AGBL1: variants seen among roughly 807,000 people sequenced by gnomAD.
The protein encoded by AGBL1 is cytosolic carboxypeptidase 4.
A neutral mutation model predicts 118.9 loss-of-function variants in AGBL1; 130 were observed. The observed-to-expected ratio is 1.09, with a 90% CI of 0.95 to 1.26. The LOEUF is 1.26. Ranked by LOEUF, AGBL1 falls within the 50% of genes most tolerant of loss-of-function variation. AGBL1 has a pLI of 0.00. For missense variants in AGBL1, 1,584 were observed against 1,298.1 expected (o/e 1.22, Z -3.38); for synonymous variants, 555 against 478.9 (o/e 1.16, Z -2.08).
In AGBL1 at chr15:86,650,222, C is replaced by T. The variant is rs185544686; in HGVS notation, c.2995-24051C>T. Among the ~76,000 whole-genome samples, 364 of 152,222 alleles carry T rather than the reference C, an allele frequency of 2.4e-3. 1 individual carries two copies. Among genetic ancestry groups the T allele is most frequent in the African/African-American group, 8.2e-3 (340 of 41,532 alleles). ...CTTTCCCTGTTTTTAGCTTGGTACACGGCCACCTGAAATGAGGACTAAGTT... is the reference window on the plus strand; with the variant it reads ...CTTTCCCTGTTTTTAGCTTGGTACATGGCCACCTGAAATGAGGACTAAGTT... On this transcript the variant is annotated intron_variant, in intron 21 of 22. Coordinates refer to ENST00000614907, the MANE Select transcript of AGBL1 (RefSeq NM_001386094.1).
chr15:86,970,718 C>G (rs2081099185), intron 23 of AGBL1, among the ~76,000 whole-genome samples: 1 of 151,900 alleles, frequency 6.6e-6, no homozygotes, highest in Admixed American at 6.6e-5. Flanking sequence ...TCAGTATGTT[C>G]CTACCACATT....
intron 23 of AGBL1, among the ~76,000 whole-genome samples, chr15:86,956,336 A>AGATAGAT (rs1567258375): frequency 6.6e-6 from 1 of 152,102 alleles, no homozygotes; most frequent in Non-Finnish European, 1.5e-5. Flanking sequence ...ATGGATAGAT[A>AGATAGAT]GATAGATGAT....
chr15:86,482,570 C>A (rs181996237), intron 18 of AGBL1, among the ~76,000 whole-genome samples: 74 of 152,092 alleles, frequency 4.9e-4, no homozygotes, highest in African/African-American at 1.8e-3. Context: ...GCACTGAAAC[C>A]CTGGCTGGAC....
intron 21 of AGBL1, among the ~76,000 whole-genome samples, chr15:86,655,097 T>G (rs577877173): frequency 6.6e-6 from 1 of 152,298 alleles, no homozygotes; most frequent in South Asian, 2.1e-4. Context: ...CTCTATCCAT[T>G]GGCACAATCA....
chr15:86,691,652 A>G (rs1376203895), intron 22 of AGBL1, among the ~76,000 whole-genome samples: 1 of 152,160 alleles, frequency 6.6e-6, no homozygotes, highest in African/African-American at 2.4e-5. Context: ...GAAAACAAAT[A>G]AGATCATAGG....
At chr15:86,193,280 AT>A (rs2077751295) in intron 5 of AGBL1, among the ~76,000 whole-genome samples, 1 of 152,178 alleles carries the variant, frequency 6.6e-6, no homozygotes, top group Admixed American at 6.5e-5. Context: ...ACCAGATGAA[AT>A]GCTAATGGAC....
chr15:86,824,165 A>T (rs1430779185), intron 22 of AGBL1, among the ~76,000 whole-genome samples: 1 of 152,128 alleles, frequency 6.6e-6, no homozygotes, highest in Non-Finnish European at 1.5e-5. Flanking sequence ...AAGATTGTCT[A>T]TGTAAAACAT....
At chr15:86,475,084 C>T (rs1207957878) in intron 18 of AGBL1, among the ~76,000 whole-genome samples, 1 of 152,174 alleles carries the variant, frequency 6.6e-6, no homozygotes, top group Non-Finnish European at 1.5e-5. Flanking sequence ...ACGTCACCAT[C>T]TTCAAAGACC....
intron 17 of AGBL1, among the ~76,000 whole-genome samples, chr15:86,315,034 G>T (rs187117561): frequency 1.4e-3 from 211 of 152,242 alleles, no homozygotes; most frequent in African/African-American, 4.9e-3. Context: ...ATGAGGTAAG[G>T]TATGTTTTCC....
At chr15:86,951,874 CATT>C (rs2080884013) in intron 23 of AGBL1, among the ~76,000 whole-genome samples, 1 of 152,146 alleles carries the variant, frequency 6.6e-6, no homozygotes, top group Non-Finnish European at 1.5e-5. Context: ...ACCATTTTAT[CATT>C]ATGAAATGAC....
At chr15:86,084,065 T>C (rs572134309) in intron 1 of AGBL1, among the ~76,000 whole-genome samples, 1 of 152,326 alleles carries the variant, frequency 6.6e-6, no homozygotes, top group South Asian at 2.1e-4. Context: ...CTGAAAACTG[T>C]CTTAATTTCA....
chr15:86,873,931 C>T (rs2079766570), intron 22 of AGBL1, among the ~76,000 whole-genome samples: 1 of 152,076 alleles, frequency 6.6e-6, no homozygotes, highest in Non-Finnish European at 1.5e-5. Context: ...ATAGAAAGAA[C>T]AGTGGACTTG....
At chr15:86,699,548 T>A (rs2086320798) in intron 22 of AGBL1, among the ~76,000 whole-genome samples, 2 of 143,882 alleles carry the variant, frequency 1.4e-5, no homozygotes, top group Admixed American at 1.4e-4. Flanking sequence ...TCTTGGCCTT[T>A]CATGACCTTT....
At chr15:86,566,423 T>C (rs2437784) in intron 21 of AGBL1, among the ~76,000 whole-genome samples, 152,298 of 152,304 alleles carry the variant, frequency 1, 76,146 homozygotes, top group Middle Eastern at 1. Flanking sequence ...TTCACCTTTC[T>C]AGAGTATACA....
At chr15:86,962,763 A>G (rs2081006012) in intron 23 of AGBL1, among the ~76,000 whole-genome samples, 1 of 152,072 alleles carries the variant, frequency 6.6e-6, no homozygotes, top group South Asian at 2.1e-4. Context: ...GAAGGTTAGC[A>G]TCACTGTGGA....
At chr15:86,297,494 C>A (rs1239549157) in intron 17 of AGBL1, among the ~76,000 whole-genome samples, 1 of 152,124 alleles carries the variant, frequency 6.6e-6, no homozygotes, top group Non-Finnish European at 1.5e-5. Flanking sequence ...GGGGCCTTGC[C>A]TTTTCATTTT....
At chr15:86,342,673 A>C (rs373803402) in intron 17 of AGBL1, among the ~76,000 whole-genome samples, 1 of 152,158 alleles carries the variant, frequency 6.6e-6, no homozygotes, top group South Asian at 2.1e-4. Flanking sequence ...GATCTGCCCC[A>C]TACTAACTGT....
intron 7 of AGBL1, among the ~76,000 whole-genome samples, chr15:86,250,289 C>T (rs1218607568): frequency 1.3e-5 from 2 of 151,904 alleles, no homozygotes; most frequent in African/African-American, 2.4e-5. Context: ...CTTTGGGTGG[C>T]TGAGGCAGGC....
intron 7 of AGBL1, 95 bp downstream of exon 7, chr15:86,247,974 G>C (rs375416779): frequency 3.5e-6 from 5 of 1,441,760 alleles, no homozygotes; most frequent in Non-Finnish European, 4.8e-6. Flanking sequence ...AGCTGGGAAC[G>C]CCTCAGTCTA....
Sources: allele counts gnomAD v4.1 joint callset (sites outside exome capture counted in the v4.1 genomes callset), GRCh38; gene constraint gnomAD v4.1.1; transcripts MANE v1.5; gene names NCBI Gene and HGNC (gene_info 2026-07-23, HGNC 2026-07-21).